GABRA2: variants seen among roughly 807,000 people sequenced by gnomAD.
The protein encoded by GABRA2 is gamma-aminobutyric acid receptor subunit alpha-2.
In GABRA2, 16 loss-of-function variants were observed where a neutral mutation model predicts 48.7. The observed-to-expected ratio is 0.33, with a 90% CI of 0.22 to 0.50. The LOEUF (loss-of-function observed/expected upper bound fraction) is 0.50. Among genes scored for constraint, GABRA2 ranks in the 20% least tolerant of loss-of-function variants. The pLI, the probability that GABRA2 is intolerant of heterozygous loss-of-function variation, is 0.98. For missense variants in GABRA2, 275 were observed against 535.6 expected (o/e 0.51, Z 4.80); for synonymous variants, 185 against 184.5 (o/e 1.00, Z -0.02).
chr4:46,319,776 A>G (rs961330131), intron 4 of GABRA2, among the ~76,000 whole-genome samples: 2 of 151,808 alleles, frequency 1.3e-5, no homozygotes, highest in African/African-American at 4.8e-5. Context: ...AGAAAATGTT[A>G]CTAAAGATTC....
intron 8 of GABRA2, among the ~76,000 whole-genome samples, chr4:46,283,882 C>T (rs975459900): frequency 5.3e-5 from 8 of 152,114 alleles, no homozygotes; most frequent in African/African-American, 1.9e-4. Context: ...GCCTCAGCCT[C>T]CCTAGTAGCT....
chr4:46,376,732 GTCTCCC>G (rs148907326), intron 3 of GABRA2, among the ~76,000 whole-genome samples: 40,157 of 145,540 alleles, frequency 0.28, 5,906 homozygotes, highest in African/African-American at 0.34. Flanking sequence ...TTTAAAAATT[GTCTCCC>G]TCTCCCTCTC....
intron 3 of GABRA2, among the ~76,000 whole-genome samples, chr4:46,333,536 A>G (rs1469702719): frequency 6.6e-6 from 1 of 152,136 alleles, no homozygotes; most frequent in Non-Finnish European, 1.5e-5. Flanking sequence ...GTAATTCTAC[A>G]CAAACAATAA....
At chr4:46,315,966 T>C (rs75185048) in intron 4 of GABRA2, among the ~76,000 whole-genome samples, 129 of 118,440 alleles carry the variant, frequency 1.1e-3, no homozygotes, top group Middle Eastern at 4.5e-3. Context: ...CACACACACA[T>C]ATATATATAG....
chr4:46,362,509 A>C (rs773605662), intron 3 of GABRA2, among the ~76,000 whole-genome samples: 1 of 152,198 alleles, frequency 6.6e-6, no homozygotes, highest in Non-Finnish European at 1.5e-5. Flanking sequence ...TATCTCAATC[A>C]AGTCAAAAAA....
rs1460898574 is a variant in GABRA2, at chr4:46,245,060, C to T, written c.*5248G>A. ...TTTTTTGTTTGTTTGTTTCGTTTAC[C>T]TTTCCTATAATATATGTAAACTGGT... is the stretch of plus-strand genomic sequence containing the variant. On this transcript the variant is annotated 3_prime_UTR_variant, in exon 10 of 10. Coordinates refer to ENST00000381620, the MANE Select transcript of GABRA2 (RefSeq NM_000807.4). Among the ~76,000 whole-genome samples the T allele has an allele frequency of 6.6e-6, 1 of 150,688 alleles. No individual in the cohort carries two copies. Among genetic ancestry groups the T allele is most frequent in the Admixed American group, 6.6e-5 (1 of 15,048 alleles).
At chr4:46,324,578 C>G (rs1269861261) in intron 4 of GABRA2, among the ~76,000 whole-genome samples, 1 of 150,308 alleles carries the variant, frequency 6.7e-6, no homozygotes, top group Non-Finnish European at 1.5e-5. Flanking sequence ...TTTCTTTTGT[C>G]AACATTTATT....
intron 3 of GABRA2, among the ~76,000 whole-genome samples, chr4:46,357,043 T>C (rs1736104697): frequency 6.6e-6 from 1 of 151,936 alleles, no homozygotes. Context: ...CTTCCCGTGA[T>C]AAGCACACAA....
chr4:46,340,383 C>T (rs959984619), intron 3 of GABRA2, among the ~76,000 whole-genome samples: 1 of 151,924 alleles, frequency 6.6e-6, no homozygotes, highest in Non-Finnish European at 1.5e-5. Flanking sequence ...TCCCAATTCT[C>T]CCTTCTCACA....
chr4:46,283,549 G>A (rs1721937035), intron 8 of GABRA2, among the ~76,000 whole-genome samples: 1 of 152,128 alleles, frequency 6.6e-6, no homozygotes, highest in African/African-American at 2.4e-5. Context: ...AAATGAATCA[G>A]GGCTATCTGT....
At chr4:46,361,927 T>A (rs547077238) in intron 3 of GABRA2, among the ~76,000 whole-genome samples, 1 of 152,200 alleles carries the variant, frequency 6.6e-6, no homozygotes, top group Admixed American at 6.5e-5. Flanking sequence ...TTGGCCAATT[T>A]CTCCCATTTA....
At chr4:46,319,414 A>G (rs955435144) in intron 4 of GABRA2, among the ~76,000 whole-genome samples, 2 of 151,794 alleles carry the variant, frequency 1.3e-5, no homozygotes, top group Non-Finnish European at 1.5e-5. Context: ...TGTTTCTTCT[A>G]TAATGAAGAA....
intron 9 of GABRA2, chr4:46,256,472 AT>A (rs1269401981): frequency 1.0e-5 from 4 of 398,394 alleles, no homozygotes; most frequent in African/African-American, 8.3e-5. Context: ...TAAAAAAAAA[AT>A]AAAACATTTG....
intron 6 of GABRA2, among the ~76,000 whole-genome samples, chr4:46,306,259 A>G (rs1297836610): frequency 2.0e-5 from 3 of 152,234 alleles, no homozygotes; most frequent in Non-Finnish European, 4.4e-5. Context: ...CAAGTTGCAA[A>G]TCCTTTTAAA....
At chr4:46,274,814 T>C (rs190940540) in intron 8 of GABRA2, among the ~76,000 whole-genome samples, 1 of 152,228 alleles carries the variant, frequency 6.6e-6, no homozygotes, top group African/African-American at 2.4e-5. Context: ...ATGTAGAATC[T>C]GTCAAGTAGA....
At chr4:46,256,319 A>G (rs1163372486) in intron 9 of GABRA2, 1 of 694,076 alleles carries the variant, frequency 1.4e-6, no homozygotes, top group South Asian at 1.5e-5. Flanking sequence ...TCCTTGAAGA[A>G]TTGCTTTCAC....
At chr4:46,332,820 C>A in intron 3 of GABRA2, 138 bp from the exon 4 acceptor site, 1 of 538,496 alleles carries the variant, frequency 1.9e-6, no homozygotes, top group Non-Finnish European at 3.4e-6. Context: ...TGTCAACTTT[C>A]GCAACCATAA....
intron 4 of GABRA2, among the ~76,000 whole-genome samples, chr4:46,321,416 G>A (rs2109751678): frequency 1.3e-5 from 2 of 152,070 alleles, no homozygotes; most frequent in African/African-American, 4.8e-5. Context: ...AATTTTACTT[G>A]ACTGTAGTAG....
At chr4:46,298,473 T>C (rs1157589315) in intron 8 of GABRA2, among the ~76,000 whole-genome samples, 1 of 152,048 alleles carries the variant, frequency 6.6e-6, no homozygotes, top group African/African-American at 2.4e-5. Flanking sequence ...TTGATGATGC[T>C]TAGAATTGAA....
Sources: allele counts gnomAD v4.1 joint callset (sites outside exome capture counted in the v4.1 genomes callset), GRCh38; gene constraint gnomAD v4.1.1; transcripts MANE v1.5; gene names NCBI Gene and HGNC (gene_info 2026-07-23, HGNC 2026-07-21).